NRXN3: variants seen among roughly 807,000 people sequenced by gnomAD.
The protein encoded by NRXN3 is neurexin 3, also known as neurexin III.
A neutral mutation model predicts 137.6 loss-of-function variants in NRXN3; 32 were observed. The ratio of observed to expected loss-of-function variants is 0.23; its 90% confidence interval spans 0.18 to 0.31. The LOEUF is 0.31. Among genes scored for constraint, NRXN3 ranks in the 10% least tolerant of loss-of-function variants. The pLI is 1.00. For missense variants in NRXN3, 1,574 were observed against 2,062.5 expected (o/e 0.76, Z 4.59); for synonymous variants, 798 against 784.5 (o/e 1.02, Z -0.29).
At chr14:78,852,081 C>T (rs1365271249) in intron 10 of NRXN3, among the ~76,000 whole-genome samples, 1 of 152,152 alleles carries the variant, frequency 6.6e-6, no homozygotes. Flanking sequence ...TAAGCAACTT[C>T]ATTGCCTCAG....
At chr14:78,650,760 A>G (rs1361514635) in intron 5 of NRXN3, among the ~76,000 whole-genome samples, 1 of 152,236 alleles carries the variant, frequency 6.6e-6, no homozygotes, top group Non-Finnish European at 1.5e-5. Context: ...AAATTTCATC[A>G]TCAAATGTCT....
intron 15 of NRXN3, among the ~76,000 whole-genome samples, chr14:79,396,705 G>A (rs930744342): frequency 2.6e-5 from 4 of 152,088 alleles, no homozygotes; most frequent in Non-Finnish European, 5.9e-5. Flanking sequence ...TTGAGTCCGC[G>A]CTGTATCTTT....
intron 2 of NRXN3, among the ~76,000 whole-genome samples, chr14:78,249,457 G>A (rs150411829): frequency 1.4e-4 from 21 of 152,262 alleles, no homozygotes; most frequent in Admixed American, 3.3e-4. Context: ...CCTTCAGCTG[G>A]GTCCTCTTTC....
intron 15 of NRXN3, among the ~76,000 whole-genome samples, chr14:79,429,647 A>T (rs2095713614): frequency 6.6e-6 from 1 of 152,216 alleles, no homozygotes. Context: ...AAATGATAGC[A>T]GCTGTGAACT....
At chr14:78,179,822 TTG>T (rs139584545) in intron 1 of NRXN3, among the ~76,000 whole-genome samples, 86,486 of 121,012 alleles carry the variant, frequency 0.71, 30,478 homozygotes, top group Non-Finnish European at 0.75. Flanking sequence ...TTTTTTTTTT[TTG>T]TTTGTTTCTG....
intron 2 of NRXN3, among the ~76,000 whole-genome samples, chr14:78,252,869 G>A (rs1308239369): frequency 6.6e-6 from 1 of 152,230 alleles, no homozygotes; most frequent in Non-Finnish European, 1.5e-5. Context: ...GGATACGCTG[G>A]AAAGCAAAGC....
chr14:78,582,587 G>A (rs182245134), intron 4 of NRXN3, among the ~76,000 whole-genome samples: 33 of 152,156 alleles, frequency 2.2e-4, no homozygotes, highest in Non-Finnish European at 4.7e-4. Context: ...ACTTGCCCCC[G>A]TCTGTGTTTC....
chr14:78,846,930 T>C (rs1229338423), intron 10 of NRXN3, among the ~76,000 whole-genome samples: 2 of 152,094 alleles, frequency 1.3e-5, no homozygotes, highest in African/African-American at 4.8e-5. Flanking sequence ...GCTCATAGCA[T>C]GTTGTGAAGA....
chr14:79,516,199 C>G (rs116412005), intron 16 of NRXN3, among the ~76,000 whole-genome samples: 3,931 of 152,250 alleles, frequency 0.026, 74 homozygotes, highest in South Asian at 0.086. Context: ...GGAGGCTGAG[C>G]CAGCTGGCCT....
At chr14:78,260,514 C>G (rs2070509549) in intron 2 of NRXN3, among the ~76,000 whole-genome samples, 1 of 152,216 alleles carries the variant, frequency 6.6e-6, no homozygotes, top group African/African-American at 2.4e-5. Flanking sequence ...AATGGTTTGG[C>G]TCTGTGTCCC....
chr14:78,760,445 C>T (rs754402598), intron 8 of NRXN3, among the ~76,000 whole-genome samples: 1 of 148,040 alleles, frequency 6.8e-6, no homozygotes, highest in African/African-American at 2.5e-5. Context: ...TTATATATAG[C>T]GAATGAATAA....
intron 15 of NRXN3, among the ~76,000 whole-genome samples, chr14:79,293,720 A>G (rs546435184): frequency 4.6e-5 from 7 of 152,330 alleles, no homozygotes; most frequent in Non-Finnish European, 7.3e-5. Flanking sequence ...GTTTCCTGTA[A>G]TTACCATCCA....
chr14:78,932,141 AAATT>A (rs200175394), intron 10 of NRXN3, among the ~76,000 whole-genome samples: 10 of 151,796 alleles, frequency 6.6e-5, no homozygotes, highest in South Asian at 2.1e-4. Context: ...CTCCATCTCT[AAATT>A]AATTAATTAA....
intron 16 of NRXN3, among the ~76,000 whole-genome samples, chr14:79,556,257 T>C (rs2097428592): frequency 6.6e-6 from 1 of 152,190 alleles, no homozygotes; most frequent in South Asian, 2.1e-4. Flanking sequence ...TGGTATTTTA[T>C]GTGTATTATT....
At position 79,740,712 on chromosome 14, in the gene NRXN3, TTATATATATATATATATATATA is replaced by T. The variant is rs869216055; in HGVS notation, c.4014+42810_4014+42831del. On this transcript the variant is annotated intron_variant, in intron 19 of 20. Coordinates refer to ENST00000335750, the MANE Select transcript of NRXN3 (RefSeq NM_001330195.2). The stretch of plus-strand genomic sequence containing the variant: ...TCCACTGGACTTTGCATTTAGTTTT[TTATATATATATATATATATATA>T]TATATATATATATATATATATATAT... 2.7e-3 allele frequency among the ~76,000 whole-genome samples: 43 copies of T among 16,148 alleles called. 2 individuals are homozygous for T. The highest frequency in any genetic ancestry group is 3.1e-3 in the East Asian group (2 of 638). The allele number at this position is 16,148 out of a possible 152,430, so 10.6% of individuals were successfully genotyped here. A position where few individuals can be genotyped will look rare whatever the true frequency, so the allele number is the denominator to read the frequency against.
intron 15 of NRXN3, among the ~76,000 whole-genome samples, chr14:79,189,320 A>C (rs2153169431): frequency 6.8e-6 from 1 of 146,284 alleles, no homozygotes; most frequent in Non-Finnish European, 1.5e-5. Context: ...TCTCACTCAT[A>C]GGTGGTAATT....
chr14:79,474,557 G>A lies in NRXN3; in HGVS notation c.3444+7155G>A, dbSNP rs377053341. On this transcript the variant is annotated intron_variant, in intron 16 of 20. Transcript: ENST00000335750. ...AAGCAGTTACCTCTGAGGGAATTTAGGTCATGACCTTGGTTAGGTCAATAG... is the reference window on the plus strand; with the variant it reads ...AAGCAGTTACCTCTGAGGGAATTTAAGTCATGACCTTGGTTAGGTCAATAG... Among the ~76,000 whole-genome samples the A allele has an allele frequency of 2.4e-4, 36 of 152,160 alleles. No individual in the cohort carries two copies. In the East Asian group the frequency reaches 6.2e-3, roughly 26 times the overall value.
chr14:78,920,648 C>T (rs1012334092), intron 10 of NRXN3, among the ~76,000 whole-genome samples: 2 of 152,144 alleles, frequency 1.3e-5, no homozygotes, highest in Non-Finnish European at 2.9e-5. Flanking sequence ...ATGGAGTGCT[C>T]GGGCTACCCA....
At chr14:78,708,837 A>G (rs368494177) in intron 6 of NRXN3, among the ~76,000 whole-genome samples, 6 of 152,144 alleles carry the variant, frequency 3.9e-5, no homozygotes, top group Non-Finnish European at 8.8e-5. Context: ...TCTGCTATTG[A>G]TGGTCATTTA....
Sources: gnomAD v4.1 joint callset for allele counts (sites outside exome capture counted in the v4.1 genomes callset) on GRCh38, gnomAD v4.1.1 for gene constraint, MANE v1.5 for transcripts, NCBI Gene and HGNC (gene_info 2026-07-23, HGNC 2026-07-21) for gene names.